Variants in RGS21 observed in about 807,000 individuals in gnomAD.
RGS21 encodes the protein regulator of G-protein signalling 21.
Under a neutral mutation model 18.7 loss-of-function variants are expected in RGS21, and 19 were observed. The ratio of observed to expected loss-of-function variants is 1.01; its 90% CI spans 0.71 to 1.49. The LOEUF (loss-of-function observed/expected upper bound fraction) is 1.49, where lower values mean the gene tolerates loss of function less well. RGS21 is among the 40% of genes most tolerant of loss of function. The pLI, the probability that RGS21 is intolerant of heterozygous loss-of-function variation, is 0.00. For missense variants in RGS21, 194 were observed against 176.8 expected, an observed-to-expected ratio of 1.10 and a Z score of -0.55; for synonymous variants, 56 against 57.8, an observed-to-expected ratio of 0.97 and a Z score of 0.14.
Position 192,343,027 on chromosome 1 carries a change from G to T in RGS21, c.-10G>T, listed in dbSNP as rs765274775. On this transcript the variant is annotated 5_prime_UTR_variant, in exon 2 of 5. Transcript: ENST00000417209. ...CTCGGCATCATCTGTGACAGACAGTGGAACGAAAAATGCCAGTGAAGTGAG... is the reference window on the plus strand; with the variant it reads ...CTCGGCATCATCTGTGACAGACAGTTGAACGAAAAATGCCAGTGAAGTGAG... The T allele has an allele frequency of 6.2e-7, 1 of 1,612,618 alleles. No homozygotes were observed. The highest frequency in any genetic ancestry group is 1.1e-5 in the South Asian group (1 of 91,026).
intron 2 of RGS21, among the ~76,000 whole-genome samples, chr1:192,346,908 AC>A (rs1288189033): frequency 6.6e-6 from 1 of 152,166 alleles, no homozygotes; most frequent in Non-Finnish European, 1.5e-5. Flanking sequence ...CATAATCTTT[AC>A]ACTATAAAAA....
At chr1:192,333,315 C>G (rs556602974) in intron 1 of RGS21, among the ~76,000 whole-genome samples, 3 of 149,148 alleles carry the variant, frequency 2.0e-5, no homozygotes, top group Middle Eastern at 3.4e-3. Context: ...TACCATAGGA[C>G]CCATCAATTG....
intron 4 of RGS21, among the ~76,000 whole-genome samples, chr1:192,361,591 G>A (rs1220952275): frequency 6.6e-6 from 1 of 152,052 alleles, no homozygotes; most frequent in Admixed American, 6.5e-5. Context: ...TGTCGCCTAG[G>A]CTGGAGTGCA....
At chr1:192,356,162 T>C (rs1176261753) in intron 4 of RGS21, among the ~76,000 whole-genome samples, 2 of 151,834 alleles carry the variant, frequency 1.3e-5, no homozygotes, top group Non-Finnish European at 3.0e-5. Context: ...TGCAGGACAT[T>C]TTTTAATATT....
intron 2 of RGS21, among the ~76,000 whole-genome samples, chr1:192,344,025 G>A (rs1278926331): frequency 1.3e-5 from 2 of 151,906 alleles, no homozygotes; most frequent in African/African-American, 4.8e-5. Context: ...AAAAACAGAA[G>A]ATGATATTTC....
chr1:192,342,694 T>C (rs1658889582), intron 1 of RGS21, among the ~76,000 whole-genome samples: 1 of 151,816 alleles, frequency 6.6e-6, no homozygotes, highest in African/African-American at 2.4e-5. Flanking sequence ...TATATTGGTT[T>C]AACCTCCTGT....
intron 1 of RGS21, among the ~76,000 whole-genome samples, chr1:192,317,709 T>C (rs921528423): frequency 2.0e-5 from 3 of 152,048 alleles, no homozygotes; most frequent in African/African-American, 7.2e-5. Flanking sequence ...ATAAAAGCAC[T>C]ACTTCAACAA....
intron 1 of RGS21, among the ~76,000 whole-genome samples, chr1:192,331,303 C>T (rs941710233): frequency 6.6e-6 from 1 of 152,032 alleles, no homozygotes; most frequent in African/African-American, 2.4e-5. Context: ...CCTATAATCC[C>T]AGCACTTTGG....
At chr1:192,328,581 T>C (rs893658408) in intron 1 of RGS21, among the ~76,000 whole-genome samples, 3 of 152,150 alleles carry the variant, frequency 2.0e-5, no homozygotes, top group African/African-American at 7.2e-5. Flanking sequence ...TAAAAACTCA[T>C]TGTTGAAAAA....
chr1:192,355,842 C>T (rs1295826918), intron 4 of RGS21, among the ~76,000 whole-genome samples: 1 of 150,936 alleles, frequency 6.6e-6, no homozygotes, highest in Non-Finnish European at 1.5e-5. Flanking sequence ...TGTCATCATT[C>T]CTCTATATTG....
chr1:192,358,851 C>T lies in RGS21; in HGVS notation c.255+6638C>T, dbSNP rs77306319. Among the ~76,000 whole-genome samples, 179 of 152,168 alleles carry T rather than the reference C, an allele frequency of 1.2e-3. 1 individual carries two copies. The Middle Eastern group carries it at 0.024, about 20-fold the overall frequency. On this transcript the variant is annotated intron_variant, in intron 4 of 4. Transcript: ENST00000417209. The stretch of plus-strand genomic sequence containing the variant: ...GTGTAGAGAAAATAAATTTGGTTTG[C>T]ATCGCTTTCAGTTAACAAAAATCAC...
chr1:192,320,619 C>T (rs1658483100), intron 1 of RGS21, among the ~76,000 whole-genome samples: 1 of 150,800 alleles, frequency 6.6e-6, no homozygotes, highest in African/African-American at 2.4e-5. Flanking sequence ...TAAGAAAATA[C>T]ATTCAATCTA....
intron 1 of RGS21, among the ~76,000 whole-genome samples, chr1:192,329,934 C>T (rs182766781): frequency 3.4e-4 from 52 of 152,024 alleles, no homozygotes; most frequent in Admixed American, 1.2e-3. Context: ...TTATAGTAAG[C>T]TAAAATCATG....
intron 1 of RGS21, among the ~76,000 whole-genome samples, chr1:192,320,383 C>T (rs1658478709): frequency 6.6e-6 from 1 of 152,038 alleles, no homozygotes; most frequent in South Asian, 2.1e-4. Flanking sequence ...AGAATACATG[C>T]ACACAGATGT....
Position 192,352,184 on chromosome 1 carries a change from G to T in RGS21, c.226G>T (p.Glu76Ter). The change falls in exon 4 of 5, where the codon GAA (glutamate) becomes TAA (stop). Residue 76 changes from glutamate to a stop codon, truncating the protein, a stop_gained. Transcript: ENST00000417209. LOFTEE classifies it high-confidence loss of function. ...IASKAKMIYS[E>*]FIEADAPKEI... The stretch of plus-strand genomic sequence containing the variant: ...TTCCAAAGCCAAGATGATTTATTCT[G>T]AATTCATTGAAGCTGATGCACCTAA... The T allele has an allele frequency of 1.9e-6, 3 of 1,609,208 alleles. No homozygotes were observed. The highest frequency in any genetic ancestry group is 2.5e-6 in the Non-Finnish European group (3 of 1,177,882).
intron 1 of RGS21, among the ~76,000 whole-genome samples, chr1:192,326,668 G>C (rs1444027335): frequency 6.6e-6 from 1 of 152,098 alleles, no homozygotes; most frequent in East Asian, 1.9e-4. Context: ...CAATGATAGA[G>C]TCCTGTTGAA....
In RGS21 at chr1:192,342,959, C is replaced by G. The variant is rs909081803; in HGVS notation, c.-60-18C>G. 5.7e-6 allele frequency: 8 copies of G among 1,412,156 alleles called. No individual in the cohort carries two copies. The African/African-American group carries it at 9.9e-5, about 17-fold the overall frequency. 87.5% of individuals were successfully genotyped at this position (1,412,156 alleles called of 1,614,324 possible). On this transcript the variant is annotated intron_variant, in intron 1 of 4. Coordinates refer to ENST00000417209, the MANE Select transcript of RGS21 (RefSeq NM_001039152.3). ...TCGCATACTAATTGTAATGTTCCTG[C>G]TGTCACATTACCTTCAGCTTGAAGA...
At chr1:192,340,058 C>T (rs1282971462) in intron 1 of RGS21, among the ~76,000 whole-genome samples, 2 of 152,080 alleles carry the variant, frequency 1.3e-5, no homozygotes, top group African/African-American at 4.8e-5. Context: ...ATACTCTCAT[C>T]ATGTTAATTC....
At chr1:192,359,825 T>C (rs1193172103) in intron 4 of RGS21, among the ~76,000 whole-genome samples, 2 of 150,908 alleles carry the variant, frequency 1.3e-5, no homozygotes, top group African/African-American at 4.9e-5. Context: ...CATTATTTAG[T>C]AAGATATATA....
Sources: allele counts gnomAD v4.1 joint callset (sites outside exome capture counted in the v4.1 genomes callset), GRCh38; gene constraint gnomAD v4.1.1; transcripts MANE v1.5; gene names NCBI Gene and HGNC (gene_info 2026-07-23, HGNC 2026-07-21).